The following KCNH1 variants were observed in gnomAD, a reference collection of about 807,000 sequenced individuals.
The protein encoded by KCNH1 is voltage-gated delayed rectifier potassium channel KCNH1.
Under a neutral mutation model 69.2 loss-of-function variants are expected in KCNH1, and 27 were observed. The observed-to-expected ratio is 0.39, with a 90% CI of 0.29 to 0.54. KCNH1 has a LOEUF of 0.54. Among genes scored for constraint, KCNH1 ranks in the 20% least tolerant of loss-of-function variants. KCNH1 has a pLI of 0.68. For synonymous variants in KCNH1, 456 were observed against 487.7 expected (o/e 0.93, Z 0.86); for missense variants, 798 against 1,261.6 (o/e 0.63, Z 5.57).
intron 7 of KCNH1, among the ~76,000 whole-genome samples, chr1:210,846,331 AC>A (rs1462069047): frequency 2.0e-5 from 3 of 152,212 alleles, no homozygotes; most frequent in Non-Finnish European, 4.4e-5. Flanking sequence ...TTCAAACTAT[AC>A]TACAAGGCTA....
chr1:210,893,855 C>T (rs925035774), intron 7 of KCNH1, among the ~76,000 whole-genome samples: 4 of 152,076 alleles, frequency 2.6e-5, no homozygotes, highest in African/African-American at 9.7e-5. Flanking sequence ...TTAATCTTCC[C>T]TTCTGTGATG....
In KCNH1 at chr1:210,957,822, GGGT is replaced by G. The variant is rs1459379550; in HGVS notation, c.1033-37756_1033-37754del. ...CTATGTGTGTCTCTGCACATGAGATGGGTCTCCTGAATACAGCACACTGATGGG... is the reference window on the plus strand; with the variant it reads ...CTATGTGTGTCTCTGCACATGAGATGCTCCTGAATACAGCACACTGATGGG... On this transcript the variant is annotated intron_variant, in intron 6 of 10. Coordinates refer to ENST00000271751, the MANE Select transcript of KCNH1 (RefSeq NM_172362.3). Among the ~76,000 whole-genome samples the G allele has an allele frequency of 1.8e-4, 27 of 152,232 alleles. 1 individual carries two copies. Among genetic ancestry groups the G allele is most frequent in the African/African-American group, 6.0e-4 (25 of 41,538 alleles).
At chr1:210,796,644 C>T (rs1436951321) in intron 9 of KCNH1, among the ~76,000 whole-genome samples, 8 of 152,088 alleles carry the variant, frequency 5.3e-5, no homozygotes, top group African/African-American at 1.9e-4. Context: ...CTATAGTCCT[C>T]GCTGACTCCT....
chr1:210,797,214 T>A (rs538839716), intron 9 of KCNH1, among the ~76,000 whole-genome samples: 1 of 152,326 alleles, frequency 6.6e-6, no homozygotes, highest in East Asian at 1.9e-4. Context: ...CTGGGTTAGA[T>A]GTGCCTCCCA....
chr1:211,053,081 T>G (rs1690234138), intron 5 of KCNH1, among the ~76,000 whole-genome samples: 1 of 152,256 alleles, frequency 6.6e-6, no homozygotes, highest in Non-Finnish European at 1.5e-5. Flanking sequence ...AAACAATTAA[T>G]AGCATTGCTA....
intron 9 of KCNH1, among the ~76,000 whole-genome samples, chr1:210,790,332 G>A (rs979134330): frequency 1.2e-4 from 19 of 152,068 alleles, no homozygotes; most frequent in East Asian, 5.8e-4. Flanking sequence ...GAAGCTCACC[G>A]TTATCTCTCT....
chr1:210,760,738 G>A (rs1255955208), intron 10 of KCNH1, among the ~76,000 whole-genome samples: 1 of 152,170 alleles, frequency 6.6e-6, no homozygotes, highest in Non-Finnish European at 1.5e-5. Flanking sequence ...CAAAGAGAGA[G>A]GGCTTGTGCA....
intron 6 of KCNH1, among the ~76,000 whole-genome samples, chr1:210,998,206 C>T (rs1017655129): frequency 1.3e-5 from 2 of 152,156 alleles, no homozygotes; most frequent in African/African-American, 4.8e-5. Flanking sequence ...AATTAAAAGA[C>T]ACAGACTGGC....
At position 210,700,688 on chromosome 1, in the gene KCNH1, C is replaced by T. The variant is rs996028121; in HGVS notation, c.2113-16550G>A. 5.9e-5 allele frequency among the ~76,000 whole-genome samples: 9 copies of T among 152,122 alleles called. 1 individual carries two copies. Among genetic ancestry groups the T allele is most frequent in the Non-Finnish European group, 1.5e-5 (1 of 68,022 alleles). On this transcript the variant is annotated intron_variant, in intron 10 of 10. Coordinates refer to ENST00000271751, the MANE Select transcript of KCNH1 (RefSeq NM_172362.3). The stretch of plus-strand genomic sequence containing the variant: ...AATATTTTTGGCTTTGCAGGCTGCT[C>T]AATTCTGCCACGATAGCACAAAAAC...
intron 9 of KCNH1, among the ~76,000 whole-genome samples, chr1:210,779,372 C>T (rs752610144): frequency 1.8e-4 from 28 of 152,248 alleles, no homozygotes; most frequent in Middle Eastern, 3.4e-3. Context: ...CTGGCAAATG[C>T]GAAATGTTTT....
At chr1:210,739,208 C>G (rs1323605091) in intron 10 of KCNH1, among the ~76,000 whole-genome samples, 1 of 152,154 alleles carries the variant, frequency 6.6e-6, no homozygotes, top group Non-Finnish European at 1.5e-5. Context: ...GTTAACCCCT[C>G]ATTTTACTGA....
chr1:211,041,554 CT>C (rs1431046797), intron 5 of KCNH1, among the ~76,000 whole-genome samples: 1 of 152,182 alleles, frequency 6.6e-6, no homozygotes, highest in Non-Finnish European at 1.5e-5. Context: ...CATTCTTGCC[CT>C]CCTCAAATTC....
chr1:210,956,899 G>T (rs191556097), intron 6 of KCNH1, among the ~76,000 whole-genome samples: 1 of 151,498 alleles, frequency 6.6e-6, no homozygotes, highest in African/African-American at 2.4e-5. Flanking sequence ...AGGATTTTTC[G>T]TTTCTCTATC....
chr1:211,102,340 G>A (rs1157549190), intron 3 of KCNH1, among the ~76,000 whole-genome samples: 1 of 152,138 alleles, frequency 6.6e-6, no homozygotes, highest in African/African-American at 2.4e-5. Flanking sequence ...CTTCTGGTAC[G>A]AGCTGTTGCT....
chr1:210,720,619 C>CTT (rs1682430093), intron 10 of KCNH1, among the ~76,000 whole-genome samples: 4 of 152,144 alleles, frequency 2.6e-5, no homozygotes, highest in Non-Finnish European at 2.9e-5. Context: ...CCCCAAAGAA[C>CTT]TGGGACTAAT....
intron 5 of KCNH1, among the ~76,000 whole-genome samples, chr1:211,022,870 G>A (rs966121157): frequency 9.2e-5 from 14 of 152,010 alleles, no homozygotes; most frequent in African/African-American, 3.1e-4. Flanking sequence ...CCAGTACTTT[G>A]GGAGGCCGAG....
chr1:210,743,133 G>T (rs945548024), intron 10 of KCNH1, among the ~76,000 whole-genome samples: 1 of 152,138 alleles, frequency 6.6e-6, no homozygotes, highest in Non-Finnish European at 1.5e-5. Context: ...AGAGTCATGG[G>T]GAGTAGAAGA....
chr1:210,958,671 A>G (rs1688231955), intron 6 of KCNH1, among the ~76,000 whole-genome samples: 1 of 152,186 alleles, frequency 6.6e-6, no homozygotes, highest in Non-Finnish European at 1.5e-5. Context: ...ATCTTCAATC[A>G]CTGATATCCT....
intron 7 of KCNH1, among the ~76,000 whole-genome samples, chr1:210,895,425 G>T (rs1271800846): frequency 6.6e-6 from 1 of 152,136 alleles, no homozygotes; most frequent in South Asian, 2.1e-4. Flanking sequence ...ATTACAATGG[G>T]GATGGCAAGA....
Sources: allele counts gnomAD v4.1 joint callset (sites outside exome capture counted in the v4.1 genomes callset), GRCh38; gene constraint gnomAD v4.1.1; transcripts MANE v1.5; gene names NCBI Gene and HGNC (gene_info 2026-07-23, HGNC 2026-07-21).